MTHFSD: variants seen among roughly 807,000 people sequenced by gnomAD.
MTHFSD encodes methenyltetrahydrofolate synthase domain-containing protein.
In MTHFSD, 37 loss-of-function variants were observed where a neutral mutation model predicts 31.1. That is an observed-to-expected ratio of 1.19 (90% confidence interval 0.91 to 1.56). The LOEUF (loss-of-function observed/expected upper bound fraction) is 1.56. MTHFSD is among the 40% of genes most tolerant of loss of function. MTHFSD has a pLI of 0.00. For missense variants in MTHFSD, 664 were observed against 510.1 expected (o/e 1.30, Z -2.91); for synonymous variants, 221 against 206.9 (o/e 1.07, Z -0.59).
chr16:86,535,146 A>G (rs541387467), intron 7 of MTHFSD: 2 of 748,228 alleles, frequency 2.7e-6, no homozygotes, highest in Admixed American at 1.3e-4. Flanking sequence ...TAATGAAAAC[A>G]TCTTAACCAC....
At chr16:86,543,075 A>AG (rs1452365467) in intron 5 of MTHFSD, among the ~76,000 whole-genome samples, 1 of 152,270 alleles carries the variant, frequency 6.6e-6, no homozygotes, top group African/African-American at 2.4e-5. Flanking sequence ...GAGAAACAAG[A>AG]GAAAGAAAAT....
chr16:86,540,401 G>A (rs1567536987), intron 7 of MTHFSD, among the ~76,000 whole-genome samples: 2 of 152,186 alleles, frequency 1.3e-5, no homozygotes, highest in African/African-American at 2.4e-5. Context: ...TTCACCTAAC[G>A]TGTCCGATGA....
intron 1 of MTHFSD, 40 bp downstream of exon 1, chr16:86,555,129 C>A (rs543504451): frequency 6.5e-7 from 1 of 1,532,824 alleles, no homozygotes; most frequent in South Asian, 1.2e-5. Flanking sequence ...GCTGTCCCTC[C>A]CCATTCCCAG....
At chr16:86,548,172 C>A (rs577561813) in intron 4 of MTHFSD, 1 of 1,243,392 alleles carries the variant, frequency 8.0e-7, no homozygotes, top group Non-Finnish European at 1.1e-6. Context: ...AGGTTAACAC[C>A]GGGCAGTGCC....
Position 86,547,520 on chromosome 16 carries a change from C to G in MTHFSD, c.352-871G>C, listed in dbSNP as rs1023975317. On this transcript the variant is annotated intron_variant, in intron 4 of 7. Transcript: ENST00000360900. ...CAGGAAACCCTGCACTGCAGGAAAC[C>G]CTGTGTTCTCATCATCTCGCAGGGT... The G allele has an allele frequency of 4.1e-6, 4 of 986,704 alleles. No individual in the cohort carries two copies. In the African/African-American group the frequency reaches 5.2e-5, roughly 13 times the overall value. The allele number at this position is 986,704 out of a possible 1,614,324, so 61.1% of individuals were successfully genotyped here. A position where few individuals can be genotyped will look rare whatever the true frequency, so the allele number is the denominator to read the frequency against.
intron 4 of MTHFSD, among the ~76,000 whole-genome samples, chr16:86,547,836 TC>T (rs538989029): frequency 2.6e-5 from 4 of 152,334 alleles, no homozygotes; most frequent in African/African-American, 9.6e-5. Flanking sequence ...TCTTATTTTT[TC>T]TTCTCAGTAG....
At chr16:86,532,888 C>T (rs1970168352) in intron 7 of MTHFSD, 2 of 155,848 alleles carry the variant, frequency 1.3e-5, no homozygotes, top group African/African-American at 2.4e-5. Context: ...GGCAGCTCCC[C>T]TAATGACCCC....
chr16:86,541,826 G>A lies in MTHFSD; in HGVS notation c.556-4C>T, dbSNP rs764762192. On this transcript the variant is annotated splice_region_variant and splice_polypyrimidine_tract_variant and intron_variant, in intron 6 of 7. Coordinates refer to ENST00000360900, the MANE Select transcript of MTHFSD (RefSeq NM_001159377.2). ...GCTCTTCAGGGATGTCCACGACCTG[G>A]GGGAAGAGAGGAGGGATAAAGGGGC... 3 of 1,613,796 alleles carry A rather than the reference G, an allele frequency of 1.9e-6. No homozygotes were observed. Among genetic ancestry groups the A allele is most frequent in the South Asian group, 1.1e-5 (1 of 91,038 alleles).
At chr16:86,548,988 A>G (rs995069991) in intron 3 of MTHFSD, among the ~76,000 whole-genome samples, 3 of 152,342 alleles carry the variant, frequency 2.0e-5, no homozygotes, top group Middle Eastern at 3.4e-3. Flanking sequence ...AGAAACTGGC[A>G]TGGCATAGCT....
chr16:86,541,236 G>C (rs1178152937), intron 7 of MTHFSD: 1 of 1,289,224 alleles, frequency 7.8e-7, no homozygotes, highest in Non-Finnish European at 1.0e-6. Flanking sequence ...AATGTACAAA[G>C]GCTTGGTACT....
intron 7 of MTHFSD, 53 bp downstream of exon 7, chr16:86,541,644 A>C: frequency 1.3e-6 from 2 of 1,582,654 alleles, no homozygotes. Context: ...AAACACTTAA[A>C]AGAGGAGGAG....
chr16:86,532,182 C>A lies in MTHFSD; in HGVS notation c.981G>T (p.Arg327=). ...GCCGCAGGGGCACGGAGCCGAGTTC[C>A]CGCAGGGCTCTCTTCAGGTCACTCA... ...ARVSDLKRAL[R]ELGSVPLRLT... The change falls in exon 8 of 8, where the codon CGG becomes CGT. Residue 327 remains arginine (R), a synonymous_variant. Coordinates refer to ENST00000360900, the MANE Select transcript of MTHFSD (RefSeq NM_001159377.2). 6.3e-7 allele frequency: 1 copy of A among 1,580,006 alleles called. No homozygotes were observed. Among genetic ancestry groups the A allele is most frequent in the Non-Finnish European group, 8.6e-7 (1 of 1,162,978 alleles).
At position 86,530,402 on chromosome 16, in the gene MTHFSD, G is replaced by C. The variant is rs913609819; in HGVS notation, c.*1609C>G. On this transcript the variant is annotated 3_prime_UTR_variant, in exon 8 of 8. Transcript: ENST00000360900. ...CCGTCTGAGGGTGGGGTGGGCGTCA[G>C]GCATGGCTGGACACAGGAGTGCCAG... The C allele has an allele frequency of 2.6e-5, 4 of 152,250 alleles. No individual in the cohort carries two copies. The highest frequency in any genetic ancestry group is 1.3e-4 in the Admixed American group (2 of 15,288). The allele number at this position is 152,250 out of a possible 1,614,324, so 9.4% of individuals were successfully genotyped here. A position where few individuals can be genotyped will look rare whatever the true frequency, so the allele number is the denominator to read the frequency against.
In MTHFSD at chr16:86,554,787, G is replaced by A. The variant is rs143918173; in HGVS notation, c.17-36C>T. 3.4e-4 allele frequency: 532 copies of A among 1,558,414 alleles called. No individual in the cohort carries two copies. In the African/African-American group the frequency reaches 6.2e-3, roughly 18 times the overall value. ...AGATTCCCACTTAATAACATACAAA[G>A]GAATTCCAGAGCCCATGCTGAAACC... On this transcript the variant is annotated intron_variant, in intron 1 of 7. Transcript: ENST00000360900.
chr16:86,542,156 G>T lies in MTHFSD; in HGVS notation c.500C>A (p.Ser167Tyr), dbSNP rs1300267111. The T allele has an allele frequency of 6.2e-7, 1 of 1,613,854 alleles. No individual in the cohort carries two copies. The highest frequency in any genetic ancestry group is 1.1e-5 in the South Asian group (1 of 91,084). The change falls in exon 6 of 8, where the codon TCC becomes TAC. Residue 167 changes from serine (S) to tyrosine (Y), a missense_variant. Ser to Tyr is a moderately radical substitution (Grantham distance 144, BLOSUM62 -2). Coordinates refer to ENST00000360900, the MANE Select transcript of MTHFSD (RefSeq NM_001159377.2). This position sits in a 1 kb window ranked among gnomAD's most constrained non-coding sequence, Gnocchi z 4.6. ...YADLEYAMMV[S>Y]MGAVSKETPV... ...CGTCTCCTTGCTGACGGCGCCCATGGATACCATCATGGCATATTCCAGATC... is the reference window on the plus strand; with the variant it reads ...CGTCTCCTTGCTGACGGCGCCCATGTATACCATCATGGCATATTCCAGATC...
At chr16:86,551,096 C>T (rs959227858) in intron 3 of MTHFSD, among the ~76,000 whole-genome samples, 10 of 152,148 alleles carry the variant, frequency 6.6e-5, no homozygotes, top group African/African-American at 2.4e-4. Context: ...ATTAATGGGG[C>T]CATTTGAATG....
At chr16:86,536,009 C>G (rs112253698) in intron 7 of MTHFSD, among the ~76,000 whole-genome samples, 1 of 152,314 alleles carries the variant, frequency 6.6e-6, no homozygotes, top group African/African-American at 2.4e-5. Flanking sequence ...CACTCACCAC[C>G]ACACCCAGCT....
At chr16:86,550,826 C>G (rs1408471167) in intron 3 of MTHFSD, among the ~76,000 whole-genome samples, 1 of 152,172 alleles carries the variant, frequency 6.6e-6, no homozygotes, top group Non-Finnish European at 1.5e-5. Flanking sequence ...GGGGCTGAAC[C>G]ACCATCAGCA....
At position 86,552,065 on chromosome 16, in the gene MTHFSD, G is replaced by C. The variant is rs756280159; in HGVS notation, c.205C>G (p.Pro69Ala). The C allele has an allele frequency of 4.6e-5, 74 of 1,614,086 alleles. No homozygotes were observed. The highest frequency in any genetic ancestry group is 6.1e-5 in the Non-Finnish European group (72 of 1,180,052). The change falls in exon 3 of 8, where the codon CCA becomes GCA. Residue 69 changes from proline to alanine, a missense_variant. Transcript: ENST00000360900. ...ACCAGCAGCCGAACGCCTTCCAGTG[G>C]TTTATCAGGGTCCACTTTAACTTCC... is the stretch of plus-strand genomic sequence containing the variant. ...TQEVKVDPDKPLEGVRLLVLQ... is the reference protein window; with the variant it reads ...TQEVKVDPDKALEGVRLLVLQ...
Sources: gnomAD v4.1 joint callset for allele counts (sites outside exome capture counted in the v4.1 genomes callset) on GRCh38, gnomAD v4.1.1 for gene constraint, Gnocchi (gnomAD v3.1) non-coding constraint, MANE v1.5 for transcripts, NCBI Gene and HGNC (gene_info 2026-07-23, HGNC 2026-07-21) for gene names.